Variants in AASS observed in about 807,000 individuals in gnomAD.
AASS encodes the protein aminoadipate-semialdehyde synthase, also known as alpha-aminoadipic semialdehyde synthase, mitochondrial.
A neutral mutation model predicts 105.4 loss-of-function variants in AASS; 86 were observed. The observed-to-expected ratio is 0.82, with a 90% CI of 0.69 to 0.98. The LOEUF is 0.98. Ranked by LOEUF, AASS falls within the 50% of genes least tolerant of loss-of-function variation. The pLI, the probability that AASS is intolerant of heterozygous loss-of-function variation, is 0.00. For synonymous variants in AASS, 381 were observed against 394.8 expected (o/e 0.96, Z 0.41); for missense variants, 1,048 against 1,143.2 (o/e 0.92, Z 1.20).
intron 1 of AASS, among the ~76,000 whole-genome samples, chr7:122,137,496 T>C (rs1796204064): frequency 6.6e-6 from 1 of 152,182 alleles, no homozygotes; most frequent in Non-Finnish European, 1.5e-5. Flanking sequence ...TGACCCCTTT[T>C]CCTGCTTTAT....
In AASS at chr7:122,098,461, A is replaced by C; in HGVS notation, c.1644T>G (p.Asp548Glu). The change falls in exon 15 of 24, where the codon GAT (aspartate) becomes GAG (glutamate). Residue 548 changes from aspartate to glutamate, a missense_variant. Physicochemically the swap from Asp to Glu is conservative, Grantham distance 45 (BLOSUM62 2). Coordinates refer to ENST00000417368, the MANE Select transcript of AASS (RefSeq NM_005763.4). ...EKLGFLVAKQDLVISLLPYVL... is the reference protein window; with the variant it reads ...EKLGFLVAKQELVISLLPYVL... The stretch of plus-strand genomic sequence containing the variant: ...TGCCAGATACTGACCTGATGACAAG[A>C]TCCTGTTTTGCCACCAAGAAGCCCA... 1 of 1,612,228 alleles carries C rather than the reference A, an allele frequency of 6.2e-7. No individual in the cohort carries two copies. The highest frequency in any genetic ancestry group is 8.5e-7 in the Non-Finnish European group (1 of 1,178,774).
chr7:122,135,075 G>A (rs939524466), intron 1 of AASS, among the ~76,000 whole-genome samples: 1 of 152,000 alleles, frequency 6.6e-6, no homozygotes, highest in Non-Finnish European at 1.5e-5. Flanking sequence ...ATTGAACAAT[G>A]GGAACACTTG....
At chr7:122,129,320 T>C in intron 3 of AASS, 41 bp downstream of exon 3, 1 of 1,314,176 alleles carries the variant, frequency 7.6e-7, no homozygotes, top group Non-Finnish European at 1.0e-6. Flanking sequence ...AAAAATATTA[T>C]TTTTCTACAT....
intron 4 of AASS, among the ~76,000 whole-genome samples, chr7:122,121,412 G>C (rs997004628): frequency 4.0e-5 from 6 of 151,436 alleles, no homozygotes; most frequent in African/African-American, 9.7e-5. Context: ...TTTGTTTTTT[G>C]AGACAGTTAA....
At chr7:122,108,677 A>G (rs1390016030) in intron 11 of AASS, among the ~76,000 whole-genome samples, 3 of 152,142 alleles carry the variant, frequency 2.0e-5, no homozygotes, top group Admixed American at 1.3e-4. Context: ...ATACCTCAAC[A>G]TAATAAAAGC....
chr7:122,143,287 A>G (rs1354732497), intron 1 of AASS, among the ~76,000 whole-genome samples: 1 of 152,080 alleles, frequency 6.6e-6, no homozygotes, highest in African/African-American at 2.4e-5. Context: ...TCCTTGTTCA[A>G]GTTACTGAAC....
intron 11 of AASS, among the ~76,000 whole-genome samples, chr7:122,105,587 T>A (rs778622644): frequency 6.6e-6 from 1 of 151,986 alleles, no homozygotes; most frequent in African/African-American, 2.4e-5. Flanking sequence ...CTTTGGAAAC[T>A]ACAAACACAT....
chr7:122,129,953 C>A (rs146264730), intron 2 of AASS, among the ~76,000 whole-genome samples: 174 of 152,090 alleles, frequency 1.1e-3, no homozygotes, highest in Middle Eastern at 6.8e-3. Context: ...AGTGTTTACC[C>A]AGTTAGTATT....
intron 1 of AASS, among the ~76,000 whole-genome samples, chr7:122,139,369 A>G (rs918169694): frequency 3.3e-5 from 5 of 152,192 alleles, no homozygotes; most frequent in African/African-American, 1.2e-4. Context: ...AATGGTGCTG[A>G]TCAATATCTG....
At position 122,094,713 on chromosome 7, in the gene AASS, A is replaced by G. The variant is rs1794062761; in HGVS notation, c.1656-1555T>C. ...AATCCCAAAGCCAAAATTGTTGAAA[A>G]CCCAATCAAAGTTGAGCTTTGAGTA... On this transcript the variant is annotated intron_variant, in intron 15 of 23. Coordinates refer to ENST00000417368, the MANE Select transcript of AASS (RefSeq NM_005763.4). 2.6e-5 allele frequency among the ~76,000 whole-genome samples: 4 copies of G among 152,128 alleles called. No individual in the cohort carries two copies. The South Asian group carries it at 8.3e-4, about 32-fold the overall frequency.
chr7:122,105,411 T>G (rs1019971897), intron 11 of AASS, among the ~76,000 whole-genome samples: 2 of 152,094 alleles, frequency 1.3e-5, no homozygotes, highest in African/African-American at 4.8e-5. Context: ...TTTTATCCAG[T>G]AGCACCAGTG....
intron 11 of AASS, among the ~76,000 whole-genome samples, chr7:122,105,692 C>T (rs897183895): frequency 2.0e-5 from 3 of 151,744 alleles, no homozygotes; most frequent in Non-Finnish European, 4.4e-5. Context: ...AAAATGAAAA[C>T]ACAACCTACC....
intron 18 of AASS, among the ~76,000 whole-genome samples, chr7:122,089,905 G>A (rs1052278144): frequency 1.3e-5 from 2 of 152,164 alleles, no homozygotes; most frequent in Non-Finnish European, 2.9e-5. Context: ...GCCTTCACAT[G>A]TTAATTTATA....
At chr7:122,102,576 A>G (rs1057429788) in intron 11 of AASS, among the ~76,000 whole-genome samples, 6 of 152,020 alleles carry the variant, frequency 3.9e-5, no homozygotes, top group African/African-American at 1.2e-4. Flanking sequence ...GGTGCTGGTA[A>G]CAGAGAATTT....
intron 4 of AASS, among the ~76,000 whole-genome samples, chr7:122,125,616 T>C (rs925127335): frequency 6.6e-6 from 1 of 152,062 alleles, no homozygotes; most frequent in Non-Finnish European, 1.5e-5. Context: ...GAGGCAAAGG[T>C]AGAGGAGAAC....
chr7:122,098,193 T>C (rs1247049871), intron 15 of AASS, among the ~76,000 whole-genome samples: 1 of 151,926 alleles, frequency 6.6e-6, no homozygotes, highest in African/African-American at 2.4e-5. Flanking sequence ...GGTAAGTGAA[T>C]AGAAAGAGGC....
At position 122,123,096 on chromosome 7, in the gene AASS, C is replaced by T. The variant is rs141725905; in HGVS notation, c.472+3279G>A. On this transcript the variant is annotated intron_variant, in intron 4 of 23. Transcript: ENST00000417368. ...CTGAGAACAGTTTTCCATAGAGTTC[C>T]CTGGCAATTGTTCTTTTCCACAAAT... Among the ~76,000 whole-genome samples, 52 of 152,270 alleles carry T rather than the reference C, an allele frequency of 3.4e-4. 2 individuals are homozygous for T. In the East Asian group the frequency reaches 8.5e-3, roughly 25 times the overall value.
Position 122,118,419 on chromosome 7 carries a change from C to G in AASS, c.575G>C (p.Ser192Thr). Residue 192 changes from serine (S) to threonine (T), a missense_variant, in exon 6 of 24, where the codon AGT (serine) becomes ACT (threonine). By Grantham distance (58) the Ser-to-Thr change is moderately conservative. Coordinates refer to ENST00000417368, the MANE Select transcript of AASS (RefSeq NM_005763.4). ...IGMAHNYRNS[S>T]QAVQAVRDAG... ...ATCACGGACAGCTTGCACAGCCTGA[C>G]TGCTATTCCTGTAGTTATGAGCCAT... 1 of 1,614,196 alleles carries G rather than the reference C, an allele frequency of 6.2e-7. No homozygotes were observed. Among genetic ancestry groups the G allele is most frequent in the Non-Finnish European group, 8.5e-7 (1 of 1,180,028 alleles).
In AASS at chr7:122,092,970, G is replaced by A; in HGVS notation, c.1767-19C>T. On this transcript the variant is annotated intron_variant, in intron 16 of 23. Coordinates refer to ENST00000417368, the MANE Select transcript of AASS (RefSeq NM_005763.4). Reference sequence around the variant, plus strand: ...TTCCACACTGCAGCAGGTGGAAAGAGGAAAAAGGAAAACTTGGATATAAAA... The same window carrying A: ...TTCCACACTGCAGCAGGTGGAAAGAAGAAAAAGGAAAACTTGGATATAAAA... 1 of 1,613,162 alleles carries A rather than the reference G, an allele frequency of 6.2e-7. No individual in the cohort carries two copies. The highest frequency in any genetic ancestry group is 1.3e-5 in the African/African-American group (1 of 74,994).
Sources: allele counts gnomAD v4.1 joint callset (sites outside exome capture counted in the v4.1 genomes callset), GRCh38; gene constraint gnomAD v4.1.1; transcripts MANE v1.5; gene names NCBI Gene and HGNC (gene_info 2026-07-23, HGNC 2026-07-21).